The following RNF144B variants were observed in gnomAD, a reference collection of about 807,000 sequenced individuals.
The protein encoded by RNF144B is E3 ubiquitin-protein ligase RNF144B.
Under a neutral mutation model 40.2 loss-of-function variants are expected in RNF144B, and 25 were observed. The ratio of observed to expected loss-of-function variants is 0.62; its 90% CI spans 0.45 to 0.87. RNF144B has a LOEUF of 0.87. Ranked by LOEUF, RNF144B falls within the 40% of genes least tolerant of loss-of-function variation. The probability of loss-of-function intolerance (pLI) is 0.00; values close to 1 mark genes in which losing one functional copy is unlikely to be tolerated. For synonymous variants in RNF144B, 145 were observed against 136.3 expected, an observed-to-expected ratio of 1.06 and a Z score of -0.44; for missense variants, 365 against 373.7, an observed-to-expected ratio of 0.98 and a Z score of 0.19.
Position 18,434,224 on chromosome 6 carries a change from G to A in RNF144B, c.271-5460G>A, listed in dbSNP as rs111360165. On this transcript the variant is annotated intron_variant, in intron 3 of 7. Coordinates refer to ENST00000259939, the MANE Select transcript of RNF144B (RefSeq NM_182757.4). The surrounding 1 kb of genome is among the most constrained non-coding windows in gnomAD (Gnocchi z 4.1). Reference sequence around the variant, plus strand: ...ATTTCTGTTTCATTTTTTTAATTGAGTCTTTTTTTCTTAACTAAAAAGCAA... The same window carrying A: ...ATTTCTGTTTCATTTTTTTAATTGAATCTTTTTTTCTTAACTAAAAAGCAA... Among the ~76,000 whole-genome samples, 4,986 of 152,112 alleles carry A rather than the reference G, an allele frequency of 0.033. 162 individuals are homozygous for A. The highest frequency in any genetic ancestry group is 0.079 in the African/African-American group (3,286 of 41,498).
intron 4 of RNF144B, among the ~76,000 whole-genome samples, chr6:18,455,731 A>T (rs1443682309): frequency 1.3e-5 from 2 of 152,170 alleles, no homozygotes; most frequent in Admixed American, 6.5e-5. Flanking sequence ...AATAAAAAAG[A>T]GATACCAAGC....
intron 3 of RNF144B, among the ~76,000 whole-genome samples, chr6:18,438,034 A>G (rs1446508018): frequency 6.6e-6 from 1 of 152,208 alleles, no homozygotes; most frequent in African/African-American, 2.4e-5. Flanking sequence ...AAAGATTCAT[A>G]GAATATTATT....
rs1482453829 is a variant in RNF144B at position 18,459,219 on chromosome 6, C to G, written c.537-388C>G. Among the ~76,000 whole-genome samples the G allele has an allele frequency of 6.6e-6, 1 of 152,176 alleles. No individual in the cohort carries two copies. The highest frequency in any genetic ancestry group is 1.5e-5 in the Non-Finnish European group (1 of 68,036). ...TTAAAGTGTTTATATTTGAGAACCC[C>G]TTCTCCATTTGTCTAATGAACAGAC... is the stretch of plus-strand genomic sequence containing the variant. On this transcript the variant is annotated intron_variant, in intron 5 of 7. Transcript: ENST00000259939. The surrounding 1 kb of genome is among the most constrained non-coding windows in gnomAD (Gnocchi z 4.2).
chr6:18,395,724 G>A lies in RNF144B; in HGVS notation c.-36-3775G>A, dbSNP rs1004600965. 6.6e-6 allele frequency among the ~76,000 whole-genome samples: 1 copy of A among 152,198 alleles called. No individual in the cohort carries two copies. The highest frequency in any genetic ancestry group is 1.5e-5 in the Non-Finnish European group (1 of 68,020). On this transcript the variant is annotated intron_variant, in intron 1 of 7. Coordinates refer to ENST00000259939, the MANE Select transcript of RNF144B (RefSeq NM_182757.4). The surrounding 1 kb of genome is among the most constrained non-coding windows in gnomAD (Gnocchi z 4.5). ...TAGGCTTCTGCAATGGTGCCTGGGG[G>A]GCTGCTGAGTGGGGAAGGTCAAGGG...
chr6:18,423,340 T>C (rs1758479299), intron 2 of RNF144B, among the ~76,000 whole-genome samples: 2 of 152,182 alleles, frequency 1.3e-5, no homozygotes, highest in East Asian at 1.9e-4. Context: ...CTATAGATTA[T>C]AATGCTTTAT....
intron 2 of RNF144B, among the ~76,000 whole-genome samples, chr6:18,409,656 C>T (rs750880941): frequency 6.7e-6 from 1 of 148,328 alleles, no homozygotes; most frequent in Non-Finnish European, 1.5e-5. Flanking sequence ...TTGCAACCTC[C>T]GCCTCCTGGG....
chr6:18,416,174 A>C lies in RNF144B; in HGVS notation c.166-11407A>C, dbSNP rs959589590. Among the ~76,000 whole-genome samples the C allele has an allele frequency of 3.3e-5, 5 of 152,156 alleles. No homozygotes were observed. Among genetic ancestry groups the C allele is most frequent in the African/African-American group, 1.2e-4 (5 of 41,430 alleles). ...TGAGCATACTGTGTCATAAGATAGC[A>C]CCTGGGCCAGAGGGATCTCTTTGGG... On this transcript the variant is annotated intron_variant, in intron 2 of 7. Transcript: ENST00000259939. This position sits in a 1 kb window ranked among gnomAD's most constrained non-coding sequence, Gnocchi z 5.5.
intron 3 of RNF144B, among the ~76,000 whole-genome samples, chr6:18,438,665 T>C (rs1758882012): frequency 6.6e-6 from 1 of 152,136 alleles, no homozygotes; most frequent in African/African-American, 2.4e-5. Context: ...GCTGCATCAT[T>C]TTCTTACTCC....
In RNF144B at chr6:18,468,578, C is replaced by T. The variant is rs185839281; in HGVS notation, c.*3511C>T. Reference sequence around the variant, plus strand: ...TTAAATGTATATTTCTTTAGCCTTCCCTACACAGTACTAATAAAAGACTTT... The same window carrying T: ...TTAAATGTATATTTCTTTAGCCTTCTCTACACAGTACTAATAAAAGACTTT... On this transcript the variant is annotated 3_prime_UTR_variant, in exon 8 of 8. Coordinates refer to ENST00000259939, the MANE Select transcript of RNF144B (RefSeq NM_182757.4). The T allele has an allele frequency of 1.6e-4, 24 of 152,160 alleles. No individual in the cohort carries two copies. Among genetic ancestry groups the T allele is most frequent in the African/African-American group, 5.5e-4 (23 of 41,506 alleles). The allele number at this position is 152,160 out of a possible 1,614,324, so 9.4% of individuals were successfully genotyped here.
Position 18,460,539 on chromosome 6 carries a change from C to T in RNF144B, c.681+788C>T, listed in dbSNP as rs960176080. Among the ~76,000 whole-genome samples the T allele has an allele frequency of 2.6e-5, 4 of 152,016 alleles. No individual in the cohort carries two copies. Among genetic ancestry groups the T allele is most frequent in the Admixed American group, 6.6e-5 (1 of 15,246 alleles). ...GCCTACCACTATTAGATTTTTTCTT[C>T]GTTTTGAATTTAAAGAAAAATGGTT... On this transcript the variant is annotated intron_variant, in intron 6 of 7. Coordinates refer to ENST00000259939, the MANE Select transcript of RNF144B (RefSeq NM_182757.4). The surrounding 1 kb of genome is among the most constrained non-coding windows in gnomAD (Gnocchi z 4.4).
rs563565473 is a variant in RNF144B at position 18,434,134 on chromosome 6, G to A, written c.271-5550G>A. The stretch of plus-strand genomic sequence containing the variant: ...GACCAAACCTAAGTAAAGTCTGGGC[G>A]CTTTTTCCTTCTGTTTGGGCTTTCC... On this transcript the variant is annotated intron_variant, in intron 3 of 7. Coordinates refer to ENST00000259939, the MANE Select transcript of RNF144B (RefSeq NM_182757.4). The surrounding 1 kb of genome is among the most constrained non-coding windows in gnomAD (Gnocchi z 4.1). Among the ~76,000 whole-genome samples, 4 of 152,276 alleles carry A rather than the reference G, an allele frequency of 2.6e-5. No individual in the cohort carries two copies. The highest frequency in any genetic ancestry group is 6.5e-5 in the Admixed American group (1 of 15,302).
At chr6:18,403,316 G>A (rs1794829343) in intron 2 of RNF144B, among the ~76,000 whole-genome samples, 1 of 152,206 alleles carries the variant, frequency 6.6e-6, no homozygotes, top group Non-Finnish European at 1.5e-5. Context: ...AGTGATTTCT[G>A]TCAGCCGTGA....
chr6:18,421,357 A>T (rs1758423029), intron 2 of RNF144B, among the ~76,000 whole-genome samples: 1 of 151,986 alleles, frequency 6.6e-6, no homozygotes, highest in African/African-American at 2.4e-5. Context: ...AATGTAAGTT[A>T]ACATTAATGT....
At position 18,443,228 on chromosome 6, in the gene RNF144B, C is replaced by A. The variant is rs1377143068; in HGVS notation, c.331+3484C>A. Among the ~76,000 whole-genome samples, 1 of 151,976 alleles carries A rather than the reference C, an allele frequency of 6.6e-6. No individual in the cohort carries two copies. Among genetic ancestry groups the A allele is most frequent in the Non-Finnish European group, 1.5e-5 (1 of 67,976 alleles). On this transcript the variant is annotated intron_variant, in intron 4 of 7. Transcript: ENST00000259939. This position sits in a 1 kb window ranked among gnomAD's most constrained non-coding sequence, Gnocchi z 4.7. Reference sequence around the variant, plus strand: ...TCATTTTATGAAAAACGTAACAGGCCCAGAGGCAATTTCCTCTTAAGTGAT... The same window carrying A: ...TCATTTTATGAAAAACGTAACAGGCACAGAGGCAATTTCCTCTTAAGTGAT...
Position 18,463,323 on chromosome 6 carries a change from G to A in RNF144B, c.714G>A (p.Gly238=), listed in dbSNP as rs200055272. ...TTTTCCTCAGACATTATGACAAAGG[G>A]CCATGCAGGAATAAACTTGGCCACT... is the stretch of plus-strand genomic sequence containing the variant. ...NDIFLRHYDK[G]PCRNKLGHSR... Residue 238 remains glycine, a synonymous_variant, in exon 7 of 8, where the codon GGG becomes GGA. Coordinates refer to ENST00000259939, the MANE Select transcript of RNF144B (RefSeq NM_182757.4). 20 of 1,610,084 alleles carry A rather than the reference G, an allele frequency of 1.2e-5. No individual in the cohort carries two copies. The highest frequency in any genetic ancestry group is 1.4e-5 in the Non-Finnish European group (17 of 1,176,378).
rs1353591484 is a variant in RNF144B, at chr6:18,448,372, G to T, written c.331+8628G>T. On this transcript the variant is annotated intron_variant, in intron 4 of 7. Coordinates refer to ENST00000259939, the MANE Select transcript of RNF144B (RefSeq NM_182757.4). The surrounding 1 kb of genome is among the most constrained non-coding windows in gnomAD (Gnocchi z 4.0). The stretch of plus-strand genomic sequence containing the variant: ...TACGGACATGGATGCAGGCAGCCTA[G>T]TAGATTGGTCTGCATGGGTTCTCTT... Among the ~76,000 whole-genome samples the T allele has an allele frequency of 6.6e-6, 1 of 152,096 alleles. No homozygotes were observed. The highest frequency in any genetic ancestry group is 2.4e-5 in the African/African-American group (1 of 41,396).
chr6:18,435,616 A>G (rs1263557974), intron 3 of RNF144B, among the ~76,000 whole-genome samples: 1 of 152,196 alleles, frequency 6.6e-6, no homozygotes, highest in East Asian at 1.9e-4. Flanking sequence ...CTACAAGGTA[A>G]TTGTTAATTC....
chr6:18,391,015 A>G (rs371845539), intron 1 of RNF144B, among the ~76,000 whole-genome samples: 151 of 152,260 alleles, frequency 9.9e-4, no homozygotes, highest in African/African-American at 3.4e-3. Context: ...TTTGTTTCTA[A>G]TTAAAATTTC....
In RNF144B at chr6:18,450,265, C is replaced by A. The variant is rs888433256; in HGVS notation, c.332-6890C>A. On this transcript the variant is annotated intron_variant, in intron 4 of 7. Coordinates refer to ENST00000259939, the MANE Select transcript of RNF144B (RefSeq NM_182757.4). This position sits in a 1 kb window ranked among gnomAD's most constrained non-coding sequence, Gnocchi z 4.7. ...TGAGGTGTTGGTAAACAGTCTTTGG[C>A]GGGATGAGGGGAACAACTCTGATTT... Among the ~76,000 whole-genome samples the A allele has an allele frequency of 2.0e-5, 3 of 150,002 alleles. No individual in the cohort carries two copies. Among genetic ancestry groups the A allele is most frequent in the African/African-American group, 7.4e-5 (3 of 40,806 alleles).
Sources: allele counts gnomAD v4.1 joint callset (sites outside exome capture counted in the v4.1 genomes callset), GRCh38; gene constraint gnomAD v4.1.1; non-coding constraint Gnocchi (gnomAD v3.1); transcripts MANE v1.5; gene names NCBI Gene and HGNC (gene_info 2026-07-23, HGNC 2026-07-21).